Variants in MIPOL1 observed in about 807,000 individuals in gnomAD.
MIPOL1 encodes mirror-image polydactyly 1, also known as mirror-image polydactyly gene 1 protein.
A neutral mutation model predicts 60.9 loss-of-function variants in MIPOL1; 57 were observed. The ratio of observed to expected loss-of-function variants is 0.94; its 90% CI spans 0.76 to 1.17. The LOEUF (loss-of-function observed/expected upper bound fraction) is 1.17, where lower values mean the gene tolerates loss of function less well. Ranked by LOEUF, MIPOL1 falls within the 50% of genes most tolerant of loss-of-function variation. The pLI, the probability that MIPOL1 is intolerant of heterozygous loss-of-function variation, is 0.00. For missense variants in MIPOL1, 551 were observed against 511.6 expected (o/e 1.08, Z -0.74); for synonymous variants, 179 against 168.8 (o/e 1.06, Z -0.47).
chr14:37,530,377 A>G (rs2095471978), intron 12 of MIPOL1, among the ~76,000 whole-genome samples: 1 of 152,192 alleles, frequency 6.6e-6, no homozygotes, highest in Non-Finnish European at 1.5e-5. Context: ...GATGGCAGAT[A>G]TAAAACTCAT....
At chr14:37,489,885 C>T (rs952592785) in intron 11 of MIPOL1, among the ~76,000 whole-genome samples, 3 of 152,204 alleles carry the variant, frequency 2.0e-5, no homozygotes, top group African/African-American at 7.2e-5. Flanking sequence ...AGGTGTCTGT[C>T]AGCCCCTACT....
At chr14:37,430,512 TAAAAAAAAG>T (rs1566591098) in intron 11 of MIPOL1, among the ~76,000 whole-genome samples, 1 of 149,382 alleles carries the variant, frequency 6.7e-6, no homozygotes. Flanking sequence ...TTTTTTTTTT[TAAAAAAAAG>T]TATACATTTT....
intron 11 of MIPOL1, among the ~76,000 whole-genome samples, chr14:37,493,845 C>A (rs1036900607): frequency 6.6e-6 from 1 of 152,152 alleles, no homozygotes; most frequent in Non-Finnish European, 1.5e-5. Flanking sequence ...GATTCAGTGA[C>A]TCTTTGGCTG....
intron 1 of MIPOL1, chr14:37,219,500 G>C (rs1968371376): frequency 6.6e-6 from 1 of 152,348 alleles, no homozygotes; most frequent in African/African-American, 2.4e-5. Context: ...GAGTAGCTGG[G>C]ACCACAGGCG....
intron 9 of MIPOL1, among the ~76,000 whole-genome samples, chr14:37,361,610 C>CTTT (rs71127213): frequency 6.1e-5 from 5 of 82,574 alleles, no homozygotes; most frequent in African/African-American, 2.3e-4. Flanking sequence ...CCCTCTCTCT[C>CTTT]TTTTTTTTTT....
chr14:37,389,767 C>G (rs2153518619), intron 10 of MIPOL1, among the ~76,000 whole-genome samples: 2 of 151,278 alleles, frequency 1.3e-5, no homozygotes, highest in African/African-American at 4.9e-5. Flanking sequence ...AGAAAAACAA[C>G]AGATTTTTGG....
At chr14:37,447,681 A>C (rs1200604987) in intron 11 of MIPOL1, among the ~76,000 whole-genome samples, 1 of 152,180 alleles carries the variant, frequency 6.6e-6, no homozygotes, top group South Asian at 2.1e-4. Context: ...CAGAACAATG[A>C]TATGTGACTG....
intron 11 of MIPOL1, among the ~76,000 whole-genome samples, chr14:37,485,504 G>A (rs991757955): frequency 6.6e-6 from 1 of 152,136 alleles, no homozygotes; most frequent in African/African-American, 2.4e-5. Flanking sequence ...GTTGTTTCCT[G>A]ATTTTTTAAT....
intron 11 of MIPOL1, among the ~76,000 whole-genome samples, chr14:37,461,892 G>T (rs983314531): frequency 1.3e-5 from 2 of 152,146 alleles, no homozygotes; most frequent in Admixed American, 6.5e-5. Flanking sequence ...TGCCTTCATG[G>T]GCTGGTGTTG....
At chr14:37,415,269 AT>A (rs938762406) in intron 10 of MIPOL1, among the ~76,000 whole-genome samples, 62 of 152,170 alleles carry the variant, frequency 4.1e-4, no homozygotes, top group African/African-American at 1.4e-3. Flanking sequence ...GTTTAAAAAA[AT>A]AATTCTTGTA....
intron 6 of MIPOL1, chr14:37,277,111 A>C (rs2083720427): frequency 6.6e-6 from 1 of 151,316 alleles, no homozygotes; most frequent in Non-Finnish European, 1.5e-5. Flanking sequence ...GAAATATTTT[A>C]TTGGGTTTAA....
At chr14:37,412,204 G>A (rs2093691590) in intron 10 of MIPOL1, among the ~76,000 whole-genome samples, 1 of 152,036 alleles carries the variant, frequency 6.6e-6, no homozygotes, top group African/African-American at 2.4e-5. Flanking sequence ...ATACTAATCT[G>A]TTTTAATTGT....
intron 9 of MIPOL1, among the ~76,000 whole-genome samples, chr14:37,362,888 A>G (rs2092326722): frequency 6.6e-6 from 1 of 151,898 alleles, no homozygotes; most frequent in African/African-American, 2.4e-5. Flanking sequence ...CCTTTCTTCC[A>G]CTTGATTGAA....
intron 9 of MIPOL1, among the ~76,000 whole-genome samples, chr14:37,363,081 T>C (rs2092337377): frequency 1.3e-5 from 2 of 152,122 alleles, no homozygotes; most frequent in Non-Finnish European, 2.9e-5. Context: ...GAGAAGTTTG[T>C]TACTACTGAC....
At chr14:37,369,729 G>C (rs1184575703) in intron 10 of MIPOL1, 105 bp downstream of exon 10, 1 of 737,664 alleles carries the variant, frequency 1.4e-6, no homozygotes, top group Non-Finnish European at 2.2e-6. Flanking sequence ...GAAGTGAGCT[G>C]TGGTGTTTGC....
At position 37,500,130 on chromosome 14, in the gene MIPOL1, A is replaced by C; in HGVS notation, c.1254A>C (p.Lys418Asn). Residue 418 changes from lysine to asparagine, a missense_variant, in exon 12 of 13, where the codon AAA becomes AAC. By Grantham distance (94) the Lys-to-Asn change is moderately conservative. Transcript: ENST00000684589. The stretch of plus-strand genomic sequence containing the variant: ...AGGCCTCCCAAGTGGCCAATGAAAA[A>C]GTTCAAAAGTAAGTTAAATGATCTT... ...AREASQVANE[K>N]VQKLERLVDV... 6.3e-7 allele frequency: 1 copy of C among 1,599,236 alleles called. No individual in the cohort carries two copies. Among genetic ancestry groups the C allele is most frequent in the Non-Finnish European group, 8.5e-7 (1 of 1,172,286 alleles).
chr14:37,396,764 A>G (rs1421145199), intron 10 of MIPOL1, among the ~76,000 whole-genome samples: 2 of 151,876 alleles, frequency 1.3e-5, no homozygotes, highest in Non-Finnish European at 2.9e-5. Flanking sequence ...GTTCTATTCT[A>G]TTGCCGAGAC....
intron 9 of MIPOL1, among the ~76,000 whole-genome samples, chr14:37,363,178 A>G (rs2092342588): frequency 6.6e-6 from 1 of 152,098 alleles, no homozygotes; most frequent in South Asian, 2.1e-4. Context: ...GATCCTTTGG[A>G]GAAGAAGAGG....
At position 37,500,038 on chromosome 14, in the gene MIPOL1, G is replaced by T. The variant is rs1201110411; in HGVS notation, c.1162G>T (p.Ala388Ser). 2 of 1,613,822 alleles carry T rather than the reference G, an allele frequency of 1.2e-6. No homozygotes were observed. The highest frequency in any genetic ancestry group is 1.7e-5 in the Admixed American group (1 of 59,970). ...CACTCAACAACAAAATGAGGAACTG[G>T]CTACTCAACTGCAACAAGCTCTGAC... ...SITQQQNEEL[A>S]TQLQQALTER... The change falls in exon 12 of 13, where the codon GCT becomes TCT. Residue 388 changes from alanine to serine, a missense_variant. Coordinates refer to ENST00000684589, the MANE Select transcript of MIPOL1 (RefSeq NM_001388067.1).
Sources: allele counts gnomAD v4.1 joint callset (sites outside exome capture counted in the v4.1 genomes callset), GRCh38; gene constraint gnomAD v4.1.1; transcripts MANE v1.5; gene names NCBI Gene and HGNC (gene_info 2026-07-23, HGNC 2026-07-21).